The following RIMKLB variants were observed in gnomAD, a reference collection of about 807,000 sequenced individuals.
RIMKLB encodes ribosomal modification protein rimK like family member B.
A neutral mutation model predicts 32.0 loss-of-function variants in RIMKLB; 7 were observed. The ratio of observed to expected loss-of-function variants is 0.22; its 90% confidence interval spans 0.12 to 0.41. The LOEUF (loss-of-function observed/expected upper bound fraction) is 0.41, where lower values mean the gene tolerates loss of function less well. Ranked by LOEUF, RIMKLB falls within the 10% of genes least tolerant of loss-of-function variation. RIMKLB has a pLI of 1.00. For synonymous variants in RIMKLB, 172 were observed against 185.1 expected, an observed-to-expected ratio of 0.93 and a Z score of 0.57; for missense variants, 289 against 498.7, an observed-to-expected ratio of 0.58 and a Z score of 4.00.
In RIMKLB at chr12:8,716,995, A is replaced by C. The variant is rs763658233; in HGVS notation, c.175+2954A>C. On this transcript the variant is annotated intron_variant, in intron 2 of 5. Transcript: ENST00000535829. ...CCTGTAGTGTTAAATCTAATTTAAA[A>C]ATTTTTCAGACTTTTTGTTGATGTG... Among the ~76,000 whole-genome samples the C allele has an allele frequency of 2.0e-5, 3 of 150,690 alleles. No homozygotes were observed. In the South Asian group the frequency reaches 6.3e-4, roughly 32 times the overall value.
intron 5 of RIMKLB, among the ~76,000 whole-genome samples, chr12:8,766,275 C>A (rs1949951954): frequency 6.6e-6 from 1 of 152,136 alleles, no homozygotes; most frequent in South Asian, 2.1e-4. Flanking sequence ...TGTAGCAGTC[C>A]TGCACCTGTT....
At chr12:8,710,976 A>AC (rs905892569) in intron 1 of RIMKLB, among the ~76,000 whole-genome samples, 9 of 151,694 alleles carry the variant, frequency 5.9e-5, no homozygotes, top group African/African-American at 2.2e-4. Context: ...AAAAAAAAAA[A>AC]AAAAAAAAAA....
At chr12:8,685,671 G>C (rs1250205354) in intron 1 of RIMKLB, among the ~76,000 whole-genome samples, 2 of 151,024 alleles carry the variant, frequency 1.3e-5, no homozygotes, top group Non-Finnish European at 2.9e-5. Flanking sequence ...TTTTTTTTGA[G>C]ATGGAATCTG....
chr12:8,708,912 AG>A (rs1165396674), intron 1 of RIMKLB, among the ~76,000 whole-genome samples: 1 of 152,220 alleles, frequency 6.6e-6, no homozygotes, highest in Non-Finnish European at 1.5e-5. Context: ...ATTTCAAAAA[AG>A]GTACTTTTGT....
At chr12:8,671,053 G>A in the RIMKLB span, among the ~76,000 whole-genome samples, 2 of 152,124 alleles carry the variant, frequency 1.3e-5, no homozygotes, top group African/African-American at 4.8e-5. Flanking sequence ...ACACAGCACA[G>A]AGACTCTGGA....
At chr12:8,690,847 C>T (rs779621587) in intron 1 of RIMKLB, among the ~76,000 whole-genome samples, 11 of 152,034 alleles carry the variant, frequency 7.2e-5, no homozygotes, top group Non-Finnish European at 1.3e-4. Context: ...CACTTGAACC[C>T]GGGAGGCAGA....
intron 1 of RIMKLB, among the ~76,000 whole-genome samples, chr12:8,703,161 C>G (rs748827468): frequency 6.6e-6 from 1 of 152,048 alleles, no homozygotes; most frequent in Non-Finnish European, 1.5e-5. Context: ...TGGCACGTGC[C>G]TGTAATTTCA....
In RIMKLB at chr12:8,713,834, A is replaced by G. The variant is rs1944575754; in HGVS notation, c.-33A>G. On this transcript the variant is annotated 5_prime_UTR_variant, in exon 2 of 6. Transcript: ENST00000535829. ...AGGTAGACGTTACATCCAAGAGGAA[A>G]TAATCCAGGCAAGGAAGCACAAGCT... is the stretch of plus-strand genomic sequence containing the variant. 1.9e-6 allele frequency: 3 copies of G among 1,612,798 alleles called. No individual in the cohort carries two copies. Among genetic ancestry groups the G allele is most frequent in the Admixed American group, 1.7e-5 (1 of 59,994 alleles).
the RIMKLB span, among the ~76,000 whole-genome samples, chr12:8,671,146 C>T: frequency 1.3e-5 from 2 of 152,080 alleles, no homozygotes; most frequent in South Asian, 2.1e-4. Context: ...TGACATGGCC[C>T]GGAGACATTT....
intron 1 of RIMKLB, among the ~76,000 whole-genome samples, chr12:8,710,965 CAAA>C (rs748394546): frequency 6.1e-5 from 4 of 65,766 alleles, no homozygotes; most frequent in Admixed American, 1.7e-4. Context: ...ACATCTTTAC[CAAA>C]AAAAAAAAAA....
At chr12:8,703,847 C>T (rs1943620028) in intron 1 of RIMKLB, among the ~76,000 whole-genome samples, 1 of 152,160 alleles carries the variant, frequency 6.6e-6, no homozygotes, top group Non-Finnish European at 1.5e-5. Context: ...TAAAAATAAA[C>T]CATCTCATAT....
At chr12:8,695,780 A>G (rs1187096489), upstream of RIMKLB, among the ~76,000 whole-genome samples, 1 of 143,430 alleles carries the variant, frequency 7.0e-6, no homozygotes, top group African/African-American at 2.6e-5. Flanking sequence ...TGAAACCTCC[A>G]CCTCCCAGGT....
At chr12:8,752,437 A>G (rs950497911) in intron 4 of RIMKLB, among the ~76,000 whole-genome samples, 1 of 152,142 alleles carries the variant, frequency 6.6e-6, no homozygotes, top group Non-Finnish European at 1.5e-5. Context: ...CTGTAATCCC[A>G]ACTACTCGGG....
chr12:8,717,349 ATC>A (rs1944963604), intron 2 of RIMKLB, among the ~76,000 whole-genome samples: 2 of 151,624 alleles, frequency 1.3e-5, no homozygotes, highest in Admixed American at 1.3e-4. Context: ...TTTACACATT[ATC>A]TGTGCAATGT....
intron 1 of RIMKLB, among the ~76,000 whole-genome samples, chr12:8,703,283 CA>C (rs201594548): frequency 6.7e-6 from 1 of 149,782 alleles, no homozygotes; most frequent in African/African-American, 2.5e-5. Flanking sequence ...GACTCCCTCT[CA>C]AAAAAAAGAA....
At chr12:8,702,124 G>A (rs1444165087) in intron 1 of RIMKLB, among the ~76,000 whole-genome samples, 66 of 152,062 alleles carry the variant, frequency 4.3e-4, no homozygotes, top group Admixed American at 4.3e-3. Flanking sequence ...ATTAAAATAT[G>A]TTCTGTTCCA....
At chr12:8,696,709 T>A (rs1015325988), upstream of RIMKLB, among the ~76,000 whole-genome samples, 1 of 152,218 alleles carries the variant, frequency 6.6e-6, no homozygotes, top group Non-Finnish European at 1.5e-5. Flanking sequence ...TTATGCTACA[T>A]CTTTTAAAGG....
Position 8,776,627 on chromosome 12 carries a change from A to C in RIMKLB, c.*2843A>C. The C allele has an allele frequency of 1.1e-6, 1 of 910,830 alleles. No individual in the cohort carries two copies. The highest frequency in any genetic ancestry group is 1.3e-6 in the Non-Finnish European group (1 of 762,252). The allele number at this position is 910,830 out of a possible 1,614,324, so 56.4% of individuals were successfully genotyped here. On this transcript the variant is annotated 3_prime_UTR_variant, in exon 6 of 6. Transcript: ENST00000535829. ...CCATGATGAAAACTGGACTTTATAT[A>C]TCTAAACATACAAGTATGAACTATT...
chr12:8,697,303 T>A (rs1942925571), upstream of RIMKLB: 1 of 152,216 alleles, frequency 6.6e-6, no homozygotes, highest in Admixed American at 6.5e-5. Flanking sequence ...GGTACTGTCT[T>A]TACTCCAGTC....
Sources: allele counts gnomAD v4.1 joint callset (sites outside exome capture counted in the v4.1 genomes callset), GRCh38; gene constraint gnomAD v4.1.1; transcripts MANE v1.5; gene names NCBI Gene and HGNC (gene_info 2026-07-23, HGNC 2026-07-21).